FHIT: variants seen among roughly 807,000 people sequenced by gnomAD.
FHIT encodes the protein bis(5'-adenosyl)-triphosphatase.
FHIT carries 19 observed loss-of-function variants against 17.9 expected under a neutral mutation model. That is an observed-to-expected ratio of 1.06 (90% CI 0.74 to 1.56). FHIT has a LOEUF of 1.56. Among genes scored for constraint, FHIT ranks in the 40% most tolerant of loss-of-function variants. The probability of loss-of-function intolerance (pLI) is 0.00; values close to 1 mark genes in which losing one functional copy is unlikely to be tolerated. For missense variants in FHIT, 248 were observed against 189.2 expected (o/e 1.31, Z -1.82); for synonymous variants, 81 against 69.7 (o/e 1.16, Z -0.81).
chr3:60,396,746 T>C (rs1701456627), intron 5 of FHIT, among the ~76,000 whole-genome samples: 1 of 152,182 alleles, frequency 6.6e-6, no homozygotes, highest in African/African-American at 2.4e-5. Context: ...ATCAGTGTAC[T>C]AAATCTAACA....
At chr3:60,723,969 GT>G (rs1559671604) in intron 4 of FHIT, among the ~76,000 whole-genome samples, 1 of 152,004 alleles carries the variant, frequency 6.6e-6, no homozygotes, top group Non-Finnish European at 1.5e-5. Flanking sequence ...TCTCTTTTTT[GT>G]TTTTATAACA....
intron 5 of FHIT, among the ~76,000 whole-genome samples, chr3:60,429,995 G>A (rs73096257): frequency 0.041 from 6,186 of 151,948 alleles, 158 homozygotes; most frequent in East Asian, 0.09. Context: ...GCTTAAGCCC[G>A]TGCCTTAAGA....
At chr3:60,371,118 C>T (rs1009198675) in intron 5 of FHIT, among the ~76,000 whole-genome samples, 1 of 152,184 alleles carries the variant, frequency 6.6e-6, no homozygotes, top group African/African-American at 2.4e-5. Flanking sequence ...GTTTTTCTGA[C>T]CGCTGTGTTG....
At chr3:61,206,801 A>G (rs2039250462) in intron 1 of FHIT, among the ~76,000 whole-genome samples, 1 of 152,136 alleles carries the variant, frequency 6.6e-6, no homozygotes, top group East Asian at 1.9e-4. Flanking sequence ...CTAATTCAAT[A>G]CCCTTTATTT....
At chr3:59,835,005 G>A (rs1244122984) in intron 8 of FHIT, among the ~76,000 whole-genome samples, 1 of 152,054 alleles carries the variant, frequency 6.6e-6, no homozygotes, top group Non-Finnish European at 1.5e-5. Context: ...GAACTTGATT[G>A]ACCTGATTTT....
chr3:60,450,059 A>G (rs1207472207), intron 5 of FHIT, among the ~76,000 whole-genome samples: 2 of 151,464 alleles, frequency 1.3e-5, no homozygotes, highest in African/African-American at 2.4e-5. Context: ...GTAGACCTAT[A>G]TAGAGCACTT....
intron 4 of FHIT, among the ~76,000 whole-genome samples, chr3:60,727,150 A>G (rs1250701373): frequency 6.6e-6 from 1 of 152,186 alleles, no homozygotes; most frequent in Non-Finnish European, 1.5e-5. Context: ...GAATGCAGAA[A>G]ACAATTTCCC....
At chr3:60,867,424 A>G (rs1704214713) in intron 3 of FHIT, among the ~76,000 whole-genome samples, 1 of 152,240 alleles carries the variant, frequency 6.6e-6, no homozygotes, top group Admixed American at 6.5e-5. Flanking sequence ...AATGAATGGT[A>G]CACACAAGTG....
At chr3:60,373,657 T>C (rs923033961) in intron 5 of FHIT, among the ~76,000 whole-genome samples, 1 of 152,114 alleles carries the variant, frequency 6.6e-6, no homozygotes, top group Middle Eastern at 3.4e-3. Context: ...CCAGCAATTG[T>C]CCCCAAAATG....
chr3:60,623,412 T>C (rs548460752), intron 4 of FHIT, among the ~76,000 whole-genome samples: 1 of 152,304 alleles, frequency 6.6e-6, no homozygotes, highest in South Asian at 2.1e-4. Flanking sequence ...AATCAAGTAA[T>C]CTAGCCACAG....
chr3:59,996,829 T>G (rs1220547747), intron 7 of FHIT, among the ~76,000 whole-genome samples: 2 of 152,114 alleles, frequency 1.3e-5, no homozygotes, highest in African/African-American at 4.8e-5. Flanking sequence ...GCCATTCTAT[T>G]GCTGACCAGA....
chr3:61,188,362 A>C (rs571723345), intron 2 of FHIT, among the ~76,000 whole-genome samples: 6 of 152,152 alleles, frequency 3.9e-5, no homozygotes, highest in Non-Finnish European at 7.4e-5. Flanking sequence ...GACACATACA[A>C]CCTCCCAAGA....
chr3:60,451,532 T>C (rs897815446), intron 5 of FHIT, among the ~76,000 whole-genome samples: 1 of 152,196 alleles, frequency 6.6e-6, no homozygotes, highest in Admixed American at 6.6e-5. Context: ...CTTTTGGTGC[T>C]ATTTTCCAGA....
intron 3 of FHIT, among the ~76,000 whole-genome samples, chr3:60,942,271 T>G (rs1708445688): frequency 6.6e-6 from 1 of 152,206 alleles, no homozygotes; most frequent in Non-Finnish European, 1.5e-5. Flanking sequence ...CCAGCATAAT[T>G]AAAAGTATAC....
intron 4 of FHIT, among the ~76,000 whole-genome samples, chr3:60,774,011 G>A (rs1205107384): frequency 1.3e-5 from 2 of 152,130 alleles, no homozygotes; most frequent in East Asian, 3.9e-4. Context: ...TCTGGATTTG[G>A]GGTTACACCT....
At position 60,856,257 on chromosome 3, in the gene FHIT, G is replaced by C. The variant is rs140469271; in HGVS notation, c.-110-34246C>G. 2.0e-5 allele frequency: 3 copies of C among 152,172 alleles called. No homozygotes were observed. In the East Asian group the frequency reaches 5.8e-4, roughly 29 times the overall value. 9.4% of individuals were successfully genotyped at this position (152,172 alleles called of 1,614,324 possible). ...CAAAATTGCAAAAGGCACAGATCTG[G>C]GGGGGAAAGGGGGTTGATTCACCAA... On this transcript the variant is annotated intron_variant, in intron 3 of 9. Coordinates refer to ENST00000492590, the MANE Select transcript of FHIT (RefSeq NM_002012.4).
chr3:60,675,308 C>T (rs1024707422), intron 4 of FHIT, among the ~76,000 whole-genome samples: 1 of 152,194 alleles, frequency 6.6e-6, no homozygotes, highest in East Asian at 1.9e-4. Context: ...CCTATTTATT[C>T]TACCACCTGC....
chr3:59,912,694 A>G (rs184292299), intron 8 of FHIT, among the ~76,000 whole-genome samples: 88 of 152,308 alleles, frequency 5.8e-4, no homozygotes, highest in Admixed American at 1.4e-3. Context: ...TTAGAGGGAA[A>G]ATATATGTTG....
intron 5 of FHIT, among the ~76,000 whole-genome samples, chr3:60,403,889 T>C (rs919901292): frequency 1.3e-5 from 2 of 152,218 alleles, no homozygotes; most frequent in African/African-American, 4.8e-5. Context: ...TTTTCTTCTA[T>C]TCATCTGCCT....
Sources: allele counts gnomAD v4.1 joint callset (sites outside exome capture counted in the v4.1 genomes callset), GRCh38; gene constraint gnomAD v4.1.1; transcripts MANE v1.5; gene names NCBI Gene and HGNC (gene_info 2026-07-23, HGNC 2026-07-21).